ARHGEF3: variants seen among roughly 807,000 people sequenced by gnomAD.
ARHGEF3 encodes 59.8 kDA protein.
A neutral mutation model predicts 63.2 loss-of-function variants in ARHGEF3; 28 were observed. The ratio of observed to expected loss-of-function variants is 0.44; its 90% CI spans 0.33 to 0.61. The LOEUF (loss-of-function observed/expected upper bound fraction) is 0.61, where lower values mean the gene tolerates loss of function less well. ARHGEF3 is among the 20% of genes least tolerant of loss of function. The pLI is 0.03. For synonymous variants in ARHGEF3, 266 were observed against 254.2 expected (o/e 1.05, Z -0.44); for missense variants, 533 against 659.3 (o/e 0.81, Z 2.10).
At position 56,785,701 on chromosome 3, in the gene ARHGEF3, C is replaced by A. The variant is rs1361847863; in HGVS notation, c.97-11885G>T. Among the ~76,000 whole-genome samples, 12 of 152,306 alleles carry A rather than the reference C, an allele frequency of 7.9e-5. No individual in the cohort carries two copies. The South Asian group carries it at 2.5e-3, about 32-fold the overall frequency. ...TGAAAAAGGGTGCTCAGATCTTAAT[C>A]TCAGTGTCCCAAAGGAAGGACAGAC... On this transcript the variant is annotated intron_variant, in intron 1 of 9. Transcript: ENST00000296315.
At chr3:57,009,403 TG>T (rs1261728684) in intron 2 of ARHGEF3, among the ~76,000 whole-genome samples, 1 of 152,188 alleles carries the variant, frequency 6.6e-6, no homozygotes, top group Non-Finnish European at 1.5e-5. Flanking sequence ...CTGACCTCTA[TG>T]GGCTGTCTCG....
At chr3:56,918,558 C>T (rs145103959) in intron 3 of ARHGEF3, among the ~76,000 whole-genome samples, 1 of 74,710 alleles carries the variant, frequency 1.3e-5, no homozygotes, top group Non-Finnish European at 3.1e-5. Flanking sequence ...GATGCCCTGG[C>T]AGGGGAAAGG....
chr3:56,968,288 A>T (rs1373026348), intron 2 of ARHGEF3, among the ~76,000 whole-genome samples: 3 of 37,334 alleles, frequency 8.0e-5, no homozygotes, highest in East Asian at 1.9e-3. Flanking sequence ...AATATATATA[A>T]TATATATAAT....
At chr3:57,016,737 GCA>G (rs557076735) in intron 2 of ARHGEF3, among the ~76,000 whole-genome samples, 16 of 152,152 alleles carry the variant, frequency 1.1e-4, no homozygotes, top group Non-Finnish European at 2.1e-4. Flanking sequence ...CTGAGTTGGT[GCA>G]CAGTGTCCTT....
chr3:56,900,776 C>A (rs1004991585), intron 3 of ARHGEF3, among the ~76,000 whole-genome samples: 16 of 152,148 alleles, frequency 1.1e-4, no homozygotes, highest in African/African-American at 3.9e-4. Context: ...TTGATGTTAT[C>A]TTTTTCTTAC....
At chr3:56,972,729 G>A (rs1384627370) in intron 2 of ARHGEF3, among the ~76,000 whole-genome samples, 1 of 152,082 alleles carries the variant, frequency 6.6e-6, no homozygotes, top group Admixed American at 6.5e-5. Context: ...AGTCACAGAA[G>A]GAGCTGAAAC....
At chr3:56,933,566 C>T (rs945345208) in intron 3 of ARHGEF3, among the ~76,000 whole-genome samples, 2 of 151,896 alleles carry the variant, frequency 1.3e-5, no homozygotes, top group Non-Finnish European at 1.5e-5. Context: ...ACCACAGGCG[C>T]GTGCCATCAC....
intron 4 of ARHGEF3, among the ~76,000 whole-genome samples, chr3:56,851,199 T>C (rs2039665184): frequency 6.6e-6 from 1 of 152,018 alleles, no homozygotes; most frequent in South Asian, 2.1e-4. Flanking sequence ...CCGTCTCAGC[T>C]CTAGTTAAGG....
At chr3:56,780,153 A>C (rs901164716) in intron 1 of ARHGEF3, among the ~76,000 whole-genome samples, 11 of 152,362 alleles carry the variant, frequency 7.2e-5, no homozygotes, top group African/African-American at 2.6e-4. Flanking sequence ...TATTCTGCCC[A>C]AAAACAGACA....
intron 3 of ARHGEF3, among the ~76,000 whole-genome samples, chr3:56,934,181 A>G (rs952439520): frequency 1.3e-5 from 2 of 152,336 alleles, no homozygotes; most frequent in South Asian, 4.1e-4. Flanking sequence ...CCTTCCCAGG[A>G]TATTTGCCCC....
At chr3:57,049,057 G>A (rs1234805288) in intron 1 of ARHGEF3, among the ~76,000 whole-genome samples, 1 of 152,172 alleles carries the variant, frequency 6.6e-6, no homozygotes, top group South Asian at 2.1e-4. Flanking sequence ...GGCTGGGTCT[G>A]GGAATCTGAA....
At chr3:57,052,532 A>G (rs1275826657) in intron 1 of ARHGEF3, among the ~76,000 whole-genome samples, 2 of 151,994 alleles carry the variant, frequency 1.3e-5, no homozygotes, top group Non-Finnish European at 2.9e-5. Flanking sequence ...CCTGACCTCA[A>G]GTGATCTGCC....
intron 2 of ARHGEF3, among the ~76,000 whole-genome samples, chr3:57,000,337 CA>C (rs1702145051): frequency 6.6e-6 from 1 of 151,140 alleles, no homozygotes; most frequent in Non-Finnish European, 1.5e-5. Context: ...CACACACACA[CA>C]CACACCTTAA....
chr3:57,049,763 G>A (rs1259080976), intron 1 of ARHGEF3, among the ~76,000 whole-genome samples: 1 of 152,216 alleles, frequency 6.6e-6, no homozygotes, highest in African/African-American at 2.4e-5. Context: ...CTAGCTCTGG[G>A]GGAATGGAGG....
intron 2 of ARHGEF3, among the ~76,000 whole-genome samples, chr3:57,029,628 TTTAAC>T (rs1703645994): frequency 6.6e-6 from 1 of 152,094 alleles, no homozygotes; most frequent in Non-Finnish European, 1.5e-5. Flanking sequence ...AAGGTCCCCA[TTTAAC>T]TGAGGTTAAG....
chr3:56,773,856 C>A (rs1435446269), intron 1 of ARHGEF3, 40 bp from the exon 2 acceptor site: 1 of 1,501,844 alleles, frequency 6.7e-7, no homozygotes, highest in South Asian at 1.2e-5. Context: ...ATGTCAAGGT[C>A]AATTGCAAAG....
chr3:56,944,732 C>T (rs1699389395), intron 3 of ARHGEF3, among the ~76,000 whole-genome samples: 2 of 151,736 alleles, frequency 1.3e-5, no homozygotes, highest in African/African-American at 2.4e-5. Context: ...ACCTGCGCAA[C>T]CATGTCCAGC....
intron 1 of ARHGEF3, among the ~76,000 whole-genome samples, chr3:56,777,432 C>T (rs2036337607): frequency 6.6e-6 from 1 of 152,178 alleles, no homozygotes; most frequent in Non-Finnish European, 1.5e-5. Context: ...GAGAATAAAA[C>T]ACTATGCAAT....
intron 4 of ARHGEF3, among the ~76,000 whole-genome samples, chr3:56,850,673 T>C (rs1444370817): frequency 2.0e-5 from 3 of 152,216 alleles, no homozygotes; most frequent in Non-Finnish European, 4.4e-5. Flanking sequence ...GAATTGTGTA[T>C]TCGTTTGACA....
Sources: gnomAD v4.1 joint callset for allele counts (sites outside exome capture counted in the v4.1 genomes callset) on GRCh38, gnomAD v4.1.1 for gene constraint, MANE v1.5 for transcripts, NCBI Gene and HGNC (gene_info 2026-07-23, HGNC 2026-07-21) for gene names.